The following KDM6A variants were observed in gnomAD, a reference collection of about 807,000 sequenced individuals.
KDM6A encodes lysine demethylase 6A, also known as lysine-specific demethylase 6A.
In KDM6A, 11 loss-of-function variants were observed where a neutral mutation model predicts 117.6. The observed-to-expected ratio is 0.09, with a 90% CI of 0.06 to 0.15. The LOEUF (loss-of-function observed/expected upper bound fraction) is 0.15, where lower values mean the gene tolerates loss of function less well. Ranked by LOEUF, KDM6A falls within the 10% of genes least tolerant of loss-of-function variation. KDM6A has a pLI of 1.00. For synonymous variants in KDM6A, 384 were observed against 396.1 expected, an observed-to-expected ratio of 0.97 and a Z score of 0.36; for missense variants, 799 against 1,077.3, an observed-to-expected ratio of 0.74 and a Z score of 3.62.
At chrX:45,103,743 A>G (rs1018162562) in intron 27 of KDM6A, among the ~76,000 whole-genome samples, 1 of 111,746 alleles carries the variant, frequency 8.9e-6, no homozygotes, top group Non-Finnish European at 1.9e-5. Flanking sequence ...AAATATGCCA[A>G]GCTCTCAATC....
intron 17 of KDM6A, among the ~76,000 whole-genome samples, chrX:45,064,150 C>G (rs1241872130): frequency 8.9e-6 from 1 of 112,178 alleles, no homozygotes; most frequent in African/African-American, 3.2e-5. Flanking sequence ...AAACTGCCTA[C>G]TTAAGATCAG....
rs764983125 is a variant in KDM6A, at chrX:45,063,689, A to G, written c.1951A>G (p.Thr651Ala). The change falls in exon 17 of 30, where the codon ACA becomes GCA. Residue 651 changes from threonine to alanine, a missense_variant. Transcript: ENST00000611820. ...DTILIGNNHI[T>A]GSGSNGNVPY... Reference sequence around the variant, plus strand: ...TATTTTGATAGGCAATAATCATATAACAGGAAGTGGAAGTAATGGAAACGT... The same window carrying G: ...TATTTTGATAGGCAATAATCATATAGCAGGAAGTGGAAGTAATGGAAACGT... 18 of 1,208,005 alleles carry G rather than the reference A, an allele frequency of 1.5e-5. No individual in the cohort carries two copies. The highest frequency in any genetic ancestry group is 1.2e-5 in the Non-Finnish European group (11 of 894,095).
In KDM6A at chrX:45,051,815, A is replaced by G; in HGVS notation, c.748+13A>G. 1 of 977,514 alleles carries G rather than the reference A, an allele frequency of 1.0e-6. No individual in the cohort carries two copies. Among genetic ancestry groups the G allele is most frequent in the Non-Finnish European group, 1.5e-6 (1 of 686,893 alleles). The allele number at this position is 977,514 out of a possible 1,213,427, so 80.6% of individuals were successfully genotyped here. ...TTACAACAGTTAGGTATGTAATAGT[A>G]TACATTTAGTGTATTATAAGTGCTT... is the stretch of plus-strand genomic sequence containing the variant. On this transcript the variant is annotated intron_variant, in intron 9 of 29. Coordinates refer to ENST00000611820, the MANE Select transcript of KDM6A (RefSeq NM_001291415.2).
Position 45,079,349 on chromosome X carries a change from A to G in KDM6A, c.3298A>G (p.Arg1100Gly). Residue 1100 changes from arginine (R) to glycine (G), a missense_variant and splice_region_variant, in exon 21 of 30, where the codon AGA becomes GGA. Physicochemically the swap from Arg to Gly is moderately radical, Grantham distance 125 (BLOSUM62 -2). This residue lies in a region of KDM6A where 291 missense variants were observed against 437.9 expected (regional missense o/e 0.66). Transcript: ENST00000611820. The part of the protein sequence containing the change: ...YQASSFQESL[R>G]EENEKRSHHK... ...GGCCTCCTCATTCCAGGAATCATTG[A>G]GAGTAAGTATTTGTATCCTAAAGAT... 5 of 1,156,408 alleles carry G rather than the reference A, an allele frequency of 4.3e-6. No homozygotes were observed. The highest frequency in any genetic ancestry group is 5.9e-6 in the Non-Finnish European group (5 of 845,384).
chrX:45,107,476 A>G lies in KDM6A; in HGVS notation c.4101A>G (p.Lys1367=), dbSNP rs766561203. ...GGGAAGCTCTCATTGCTGCAGGAAA[A>G]GAGATTATATGGCATGGGCGGACAA... ...TLREALIAAG[K]EIIWHGRTKE... is the part of the protein sequence containing the mutation. The change falls in exon 28 of 30, where the codon AAA becomes AAG. Residue 1367 remains lysine, a synonymous_variant. Transcript: ENST00000611820. The G allele has an allele frequency of 8.3e-6, 10 of 1,208,450 alleles. No individual in the cohort carries two copies. In the Admixed American group the frequency reaches 1.3e-4, roughly 16 times the overall value.
chrX:45,058,002 C>A (rs1302890281), intron 10 of KDM6A, among the ~76,000 whole-genome samples: 5 of 108,198 alleles, frequency 4.6e-5, no homozygotes, highest in Non-Finnish European at 9.6e-5. Flanking sequence ...GCAAACGTGC[C>A]ATATACTGGC....
At chrX:44,920,145 G>A (rs891271892) in intron 2 of KDM6A, among the ~76,000 whole-genome samples, 1 of 112,345 alleles carries the variant, frequency 8.9e-6, no homozygotes, top group Non-Finnish European at 1.9e-5. Flanking sequence ...AAAAATAGCA[G>A]TTAGTTCAAC....
intron 2 of KDM6A, among the ~76,000 whole-genome samples, chrX:44,929,827 C>T (rs1201946161): frequency 9.5e-6 from 1 of 105,203 alleles, no homozygotes; most frequent in Non-Finnish European, 2.0e-5. Flanking sequence ...TTTTTAGACA[C>T]TTTTTTTTTT....
chrX:44,936,908 TGTAA>T (rs993861893), intron 2 of KDM6A, among the ~76,000 whole-genome samples: 44 of 111,867 alleles, frequency 3.9e-4, no homozygotes, highest in African/African-American at 1.4e-3. Flanking sequence ...ATGCTTAGCC[TGTAA>T]TACAACTGAC....
chrX:45,043,667 C>T (rs1475276391), intron 8 of KDM6A, among the ~76,000 whole-genome samples: 2 of 110,740 alleles, frequency 1.8e-5, no homozygotes, highest in Admixed American at 1.9e-4. Flanking sequence ...ATCCCAGCTA[C>T]TTGGGTGGCT....
At chrX:45,002,302 CCATA>C (rs1432422332) in intron 4 of KDM6A, among the ~76,000 whole-genome samples, 2 of 110,796 alleles carry the variant, frequency 1.8e-5, no homozygotes, top group Admixed American at 1.9e-4. Flanking sequence ...TAATGTCTGA[CCATA>C]AGGTAAAATT....
At chrX:44,953,819 C>T (rs1033177169) in intron 2 of KDM6A, among the ~76,000 whole-genome samples, 1 of 111,127 alleles carries the variant, frequency 9.0e-6, no homozygotes, top group African/African-American at 3.3e-5. Flanking sequence ...GCCTGTAATC[C>T]CAGCACTTTG....
intron 2 of KDM6A, among the ~76,000 whole-genome samples, chrX:44,897,421 T>TA (rs2033987473): frequency 9.0e-6 from 1 of 111,164 alleles, no homozygotes; most frequent in African/African-American, 3.3e-5. Context: ...GTCAGGTAAT[T>TA]AAAAAATCTG....
Position 44,910,643 on chromosome X carries a change from G to C in KDM6A, c.225+36656G>C, listed in dbSNP as rs1335710762. 4.6e-5 allele frequency among the ~76,000 whole-genome samples: 5 copies of C among 109,251 alleles called. No homozygotes were observed. The Admixed American group carries it at 4.9e-4, about 11-fold the overall frequency. The allele number at this position is 109,251 out of a possible 115,157, so 94.9% of individuals were successfully genotyped here. A position where few individuals can be genotyped will look rare whatever the true frequency, so the allele number is the denominator to read the frequency against. On this transcript the variant is annotated intron_variant, in intron 2 of 29. Coordinates refer to ENST00000611820, the MANE Select transcript of KDM6A (RefSeq NM_001291415.2). ...CTGGTTTTCCTAGGCAGAGGACCCTGGGGCCTTCCACAGTGTTTGTGTCCC... is the reference window on the plus strand; with the variant it reads ...CTGGTTTTCCTAGGCAGAGGACCCTCGGGCCTTCCACAGTGTTTGTGTCCC...
rs5905423 is a variant in KDM6A, at chrX:45,063,201, T to C, written c.1684-221T>C. On this transcript the variant is annotated intron_variant, in intron 16 of 29. Transcript: ENST00000611820. ...GATTTTTTTTTTTTGAAACCGACTT[T>C]TGCTTTTTCAAGGAAGTTTATTTTA... 0.22 allele frequency among the ~76,000 whole-genome samples: 23,764 copies of C among 109,936 alleles called. 4,341 individuals are homozygous for C. The highest frequency in any genetic ancestry group is 0.61 in the African/African-American group (18,002 of 29,751).
intron 2 of KDM6A, among the ~76,000 whole-genome samples, chrX:44,886,478 T>C (rs759289470): frequency 1.8e-4 from 20 of 108,820 alleles, no homozygotes; most frequent in African/African-American, 6.5e-4. Context: ...GCCATAGTTA[T>C]ACTACTTACT....
intron 4 of KDM6A, among the ~76,000 whole-genome samples, chrX:44,984,895 G>T (rs1193049249): frequency 9.0e-6 from 1 of 111,248 alleles, no homozygotes. Context: ...GGCAACGCGG[G>T]CTCTTTTTTG....
intron 2 of KDM6A, among the ~76,000 whole-genome samples, chrX:44,880,741 G>A (rs760913614): frequency 9.1e-6 from 1 of 110,398 alleles, no homozygotes; most frequent in African/African-American, 3.3e-5. Flanking sequence ...GCAGTGAGCC[G>A]AGATCGCGCC....
Position 45,019,574 on chromosome X carries a change from G to C in KDM6A, c.444-1036G>C, listed in dbSNP as rs142031845. On this transcript the variant is annotated intron_variant, in intron 5 of 29. Coordinates refer to ENST00000611820, the MANE Select transcript of KDM6A (RefSeq NM_001291415.2). Reference sequence around the variant, plus strand: ...TTCGAACTATTTTATACAAAAGATTGTTTTTGTTTTGAAAGCATCTAAGAT... The same window carrying C: ...TTCGAACTATTTTATACAAAAGATTCTTTTTGTTTTGAAAGCATCTAAGAT... Among the ~76,000 whole-genome samples the C allele has an allele frequency of 8.0e-4, 89 of 111,774 alleles. No individual in the cohort carries two copies. The East Asian group carries it at 0.023, about 29-fold the overall frequency.
Sources: allele counts gnomAD v4.1 joint callset (sites outside exome capture counted in the v4.1 genomes callset), GRCh38; gene constraint gnomAD v4.1.1; regional missense constraint gnomAD v4.1.1; transcripts MANE v1.5; gene names NCBI Gene and HGNC (gene_info 2026-07-23, HGNC 2026-07-21).